SH3GL1: variants seen among roughly 807,000 people sequenced by gnomAD.
SH3GL1 encodes the protein endophilin-A2.
In SH3GL1, 21 loss-of-function variants were observed where a neutral mutation model predicts 48.8. The observed-to-expected ratio is 0.43, with a 90% CI of 0.30 to 0.62. The LOEUF is 0.62. SH3GL1 is among the 20% of genes least tolerant of loss of function. The probability of loss-of-function intolerance (pLI) is 0.11; values close to 1 mark genes in which losing one functional copy is unlikely to be tolerated. For missense variants in SH3GL1, 454 were observed against 503.0 expected, an observed-to-expected ratio of 0.90 and a Z score of 0.93; for synonymous variants, 282 against 217.5, an observed-to-expected ratio of 1.30 and a Z score of -2.61.
intron 5 of SH3GL1, 45 bp from the exon 6 acceptor site, chr19:4,363,923 G>T (rs1211993145): frequency 1.2e-6 from 2 of 1,610,758 alleles, no homozygotes; most frequent in Non-Finnish European, 1.7e-6. Flanking sequence ...CGGCCAGAGG[G>T]CCGCCCCACG....
intron 4 of SH3GL1, 99 bp from the exon 5 acceptor site, chr19:4,364,320 G>A: frequency 6.8e-7 from 1 of 1,471,020 alleles, no homozygotes; most frequent in Non-Finnish European, 9.4e-7. Flanking sequence ...TTCACAGGCT[G>A]GAACGCAGTG....
chr19:4,361,531 G>C lies in SH3GL1; in HGVS notation c.*69C>G, dbSNP rs753483291. ...CCGCCCTGGCAGCAGGGGCTCCGTGGAATGCAGGAGACCCAGCAGGGGGTG... is the reference window on the plus strand; with the variant it reads ...CCGCCCTGGCAGCAGGGGCTCCGTGCAATGCAGGAGACCCAGCAGGGGGTG... On this transcript the variant is annotated 3_prime_UTR_variant, in exon 10 of 10. Coordinates refer to ENST00000269886, the MANE Select transcript of SH3GL1 (RefSeq NM_003025.4). 24 of 1,237,094 alleles carry C rather than the reference G, an allele frequency of 1.9e-5. No homozygotes were observed. The highest frequency in any genetic ancestry group is 2.7e-5 in the Non-Finnish European group (24 of 880,502). The allele number at this position is 1,237,094 out of a possible 1,614,324, so 76.6% of individuals were successfully genotyped here. A position where few individuals can be genotyped will look rare whatever the true frequency, so the allele number is the denominator to read the frequency against.
In SH3GL1 at chr19:4,400,495, CGCCCGCCCCGGCGCCGCCT is replaced by C; in HGVS notation, c.-146_-128del. 11 of 789,076 alleles carry C rather than the reference CGCCCGCCCCGGCGCCGCCT, an allele frequency of 1.4e-5. No homozygotes were observed. The highest frequency in any genetic ancestry group is 5.7e-5 in the South Asian group (1 of 17,578). 48.9% of individuals were successfully genotyped at this position (789,076 alleles called of 1,614,324 possible). ...CTCCGCCACCCGCTTGCCAGCTCCG[CGCCCGCCCCGGCGCCGCCT>C]CAGCCGCTCGCGCGCCCGCGCGGCC... On this transcript the variant is annotated 5_prime_UTR_variant, in exon 1 of 10. Transcript: ENST00000269886. This position sits in a 1 kb window ranked among gnomAD's most constrained non-coding sequence, Gnocchi z 4.1.
At chr19:4,382,977 G>A (rs545340911) in intron 1 of SH3GL1, among the ~76,000 whole-genome samples, 1 of 152,252 alleles carries the variant, frequency 6.6e-6, no homozygotes, top group African/African-American at 2.4e-5. Context: ...GGAGTACAGT[G>A]GCACAATCTT....
At chr19:4,374,920 G>A (rs570858157) in intron 1 of SH3GL1, among the ~76,000 whole-genome samples, 6 of 152,212 alleles carry the variant, frequency 3.9e-5, no homozygotes, top group African/African-American at 9.7e-5. Context: ...CTCACCGCCC[G>A]TCTGGCAGAA....
chr19:4,383,971 C>A (rs1343162341), intron 1 of SH3GL1, among the ~76,000 whole-genome samples: 1 of 152,206 alleles, frequency 6.6e-6, no homozygotes, highest in Non-Finnish European at 1.5e-5. Context: ...CTGCTCTGCA[C>A]TTGTCTGCAA....
At chr19:4,372,473 C>T (rs1228596919) in intron 1 of SH3GL1, among the ~76,000 whole-genome samples, 1 of 152,184 alleles carries the variant, frequency 6.6e-6, no homozygotes, top group African/African-American at 2.4e-5. Context: ...CTTATCAGAC[C>T]TCTGTGCAAA....
intron 5 of SH3GL1, 91 bp from the exon 6 acceptor site, chr19:4,363,969 A>T (rs962365932): frequency 4.4e-6 from 7 of 1,602,580 alleles, no homozygotes; most frequent in Non-Finnish European, 6.0e-6. Flanking sequence ...ACCACTGGGG[A>T]TCCTGCCTGC....
At chr19:4,362,089 A>T (rs1972633277) in intron 9 of SH3GL1, among the ~76,000 whole-genome samples, 3 of 152,198 alleles carry the variant, frequency 2.0e-5, no homozygotes, top group Admixed American at 2.0e-4. Context: ...AAGCCCTTGT[A>T]GCCACCACAC....
At chr19:4,391,067 G>A (rs1386184771) in intron 1 of SH3GL1, among the ~76,000 whole-genome samples, 1 of 152,228 alleles carries the variant, frequency 6.6e-6, no homozygotes, top group Middle Eastern at 3.2e-3. Context: ...CAGAGACACA[G>A]GCAGGTCTGA....
rs1002888100 is a variant in SH3GL1 at position 4,379,913 on chromosome 19, C to T, written c.46-12919G>A. Among the ~76,000 whole-genome samples, 6 of 152,198 alleles carry T rather than the reference C, an allele frequency of 3.9e-5. No homozygotes were observed. The East Asian group carries it at 1.2e-3, about 29-fold the overall frequency. Reference sequence around the variant, plus strand: ...CCCAAAGGACAAGGGACTGGTGCTGCCACTTCCTGAGCTACGAGCAGTAAG... The same window carrying T: ...CCCAAAGGACAAGGGACTGGTGCTGTCACTTCCTGAGCTACGAGCAGTAAG... On this transcript the variant is annotated intron_variant, in intron 1 of 9. Transcript: ENST00000269886.
At chr19:4,377,822 G>A (rs975992827) in intron 1 of SH3GL1, among the ~76,000 whole-genome samples, 4 of 152,218 alleles carry the variant, frequency 2.6e-5, no homozygotes, top group African/African-American at 9.7e-5. Context: ...TCAGCACAGA[G>A]GAAGCAGGCA....
intron 2 of SH3GL1, 128 bp downstream of exon 2, chr19:4,366,798 T>TCTCCACACCTGCCGGGCCCCATCA (rs1972790845): frequency 2.0e-6 from 2 of 1,001,550 alleles, no homozygotes; most frequent in African/African-American, 3.2e-5. Flanking sequence ...CCACCCCATC[T>TCTCCACACCTGCCGGGCCCCATCA]CTCCACACCT....
chr19:4,363,308 C>T, intron 7 of SH3GL1, 62 bp downstream of exon 7: 2 of 1,293,660 alleles, frequency 1.5e-6, no homozygotes, highest in South Asian at 1.3e-5. Context: ...GTGCTGCCCA[C>T]TTGCGCTGGC....
At chr19:4,390,832 G>A (rs1485545505) in intron 1 of SH3GL1, among the ~76,000 whole-genome samples, 1 of 151,770 alleles carries the variant, frequency 6.6e-6, no homozygotes, top group Non-Finnish European at 1.5e-5. Flanking sequence ...CATGGAGGCC[G>A]CTCTGAGCTT....
intron 1 of SH3GL1, among the ~76,000 whole-genome samples, chr19:4,398,232 C>T (rs1345811158): frequency 6.6e-6 from 1 of 152,070 alleles, no homozygotes; most frequent in Non-Finnish European, 1.5e-5. Context: ...TGGGCATCTC[C>T]GAACTGTGGG....
intron 1 of SH3GL1, among the ~76,000 whole-genome samples, chr19:4,384,402 T>C (rs1973196214): frequency 6.6e-6 from 1 of 152,238 alleles, no homozygotes; most frequent in Non-Finnish European, 1.5e-5. Flanking sequence ...ACGATATTGC[T>C]AGCCACCGGT....
At chr19:4,396,213 A>G (rs1226904810) in intron 1 of SH3GL1, among the ~76,000 whole-genome samples, 1 of 152,050 alleles carries the variant, frequency 6.6e-6, no homozygotes, top group Non-Finnish European at 1.5e-5. Context: ...CCTGGCCAAC[A>G]TGGTGAAACC....
intron 8 of SH3GL1, 64 bp from the exon 9 acceptor site, chr19:4,362,449 A>C (rs1972647066): frequency 6.3e-7 from 1 of 1,579,790 alleles, no homozygotes. Flanking sequence ...CCTTCTGCAG[A>C]AGGCTGGGGC....
Sources: gnomAD v4.1 joint callset for allele counts (sites outside exome capture counted in the v4.1 genomes callset) on GRCh38, gnomAD v4.1.1 for gene constraint, Gnocchi (gnomAD v3.1) non-coding constraint, MANE v1.5 for transcripts, NCBI Gene and HGNC (gene_info 2026-07-23, HGNC 2026-07-21) for gene names.